The following GNG7 variants were observed in gnomAD, a reference collection of about 807,000 sequenced individuals.
The protein encoded by GNG7 is guanine nucleotide-binding protein G(I)/G(S)/G(O) subunit gamma-7.
GNG7 carries 1 observed loss-of-function variant against 4.0 expected under a neutral mutation model. The ratio of observed to expected loss-of-function variants is 0.25; its 90% CI spans 0.09 to 1.18. The LOEUF is 1.18. Among genes scored for constraint, GNG7 ranks in the 50% most tolerant of loss-of-function variants. The probability of loss-of-function intolerance (pLI) is 0.50; values close to 1 mark genes in which losing one functional copy is unlikely to be tolerated. For missense variants in GNG7, 86 were observed against 91.9 expected (o/e 0.94, Z 0.26); for synonymous variants, 34 against 36.9 (o/e 0.92, Z 0.29).
intron 3 of GNG7, among the ~76,000 whole-genome samples, chr19:2,526,884 C>T (rs549942762): frequency 2.3e-5 from 3 of 128,558 alleles, no homozygotes; most frequent in South Asian, 2.7e-4. Context: ...CTCGCTCTGT[C>T]GCCCAGGCTG....
chr19:2,696,182 AG>A (rs1441998386), intron 1 of GNG7, among the ~76,000 whole-genome samples: 4 of 143,568 alleles, frequency 2.8e-5, no homozygotes, highest in African/African-American at 1.0e-4. Context: ...AGAAAGAGAG[AG>A]AGGAGAGAGA....
intron 3 of GNG7, among the ~76,000 whole-genome samples, chr19:2,544,922 G>A (rs1040717078): frequency 6.6e-6 from 1 of 152,154 alleles, no homozygotes; most frequent in Non-Finnish European, 1.5e-5. Context: ...ATTATTTGGG[G>A]AAAATGGGGT....
intron 2 of GNG7, among the ~76,000 whole-genome samples, chr19:2,572,268 C>G (rs1332877341): frequency 6.6e-6 from 1 of 152,136 alleles, no homozygotes; most frequent in Non-Finnish European, 1.5e-5. Context: ...ATCCTCCTGC[C>G]TCAGCTTCCC....
chr19:2,585,371 T>G (rs1352758996), intron 2 of GNG7, among the ~76,000 whole-genome samples: 1 of 152,154 alleles, frequency 6.6e-6, no homozygotes, highest in Non-Finnish European at 1.5e-5. Context: ...CTGCAATTTA[T>G]ACATAAATAC....
intron 1 of GNG7, among the ~76,000 whole-genome samples, chr19:2,688,290 A>G (rs1415100285): frequency 1.3e-5 from 2 of 152,204 alleles, no homozygotes; most frequent in Admixed American, 1.3e-4. Flanking sequence ...AAAGATGAAA[A>G]GCAAAGTTTG....
rs74875192 is a variant in GNG7, at chr19:2,522,191, C to T, written c.-37-1466G>A. On this transcript the variant is annotated intron_variant, in intron 3 of 4. Coordinates refer to ENST00000382159, the MANE Select transcript of GNG7 (RefSeq NM_052847.3). ...CACCCTGCAGTGCCCAGGACGGCCC[C>T]GCTCCAGGGAACGATCCAGCCCCAC... Among the ~76,000 whole-genome samples the T allele has an allele frequency of 4.1e-3, 618 of 152,172 alleles. 8 individuals carry two copies. The highest frequency in any genetic ancestry group is 0.014 in the African/African-American group (588 of 41,490).
chr19:2,627,673 C>G (rs1056986536), intron 2 of GNG7, among the ~76,000 whole-genome samples: 1 of 152,246 alleles, frequency 6.6e-6, no homozygotes, highest in Non-Finnish European at 1.5e-5. Context: ...AGTCAGGGTA[C>G]AGCATGTCAC....
intron 2 of GNG7, among the ~76,000 whole-genome samples, chr19:2,583,060 C>A (rs922346504): frequency 1.3e-5 from 2 of 152,126 alleles, no homozygotes; most frequent in Non-Finnish European, 2.9e-5. Flanking sequence ...CCTGCCTCAG[C>A]CTCCCAAAGT....
intron 2 of GNG7, among the ~76,000 whole-genome samples, chr19:2,588,717 C>T (rs529739609): frequency 3.8e-4 from 58 of 152,322 alleles, no homozygotes; most frequent in African/African-American, 1.3e-3. Flanking sequence ...CCAGGGTTGT[C>T]CTGGTTGGAG....
intron 2 of GNG7, among the ~76,000 whole-genome samples, chr19:2,582,626 G>GT (rs544388871): frequency 6.9e-4 from 104 of 149,752 alleles, no homozygotes; most frequent in Admixed American, 1.9e-3. Context: ...GGGACTACAG[G>GT]TGCATGCCAC....
intron 2 of GNG7, among the ~76,000 whole-genome samples, chr19:2,637,434 C>T (rs185160135): frequency 2.6e-5 from 4 of 152,300 alleles, no homozygotes; most frequent in East Asian, 3.9e-4. Flanking sequence ...GCTCTCCTCC[C>T]CGTCCGTCCT....
At chr19:2,553,901 A>G (rs1467159551) in intron 3 of GNG7, among the ~76,000 whole-genome samples, 5 of 147,864 alleles carry the variant, frequency 3.4e-5, no homozygotes, top group Admixed American at 2.0e-4. Context: ...ATGTAATATT[A>G]CATACATGTG....
At chr19:2,574,137 C>T (rs1980236326) in intron 2 of GNG7, among the ~76,000 whole-genome samples, 1 of 152,204 alleles carries the variant, frequency 6.6e-6, no homozygotes, top group African/African-American at 2.4e-5. Context: ...GCCAGCCACC[C>T]CCACCATCTC....
chr19:2,646,938 G>A (rs996802287), intron 1 of GNG7, among the ~76,000 whole-genome samples: 11 of 152,176 alleles, frequency 7.2e-5, no homozygotes, highest in South Asian at 2.1e-4. Context: ...GGCACCCAAC[G>A]TATCCAGGTC....
At chr19:2,610,056 A>G (rs936704885) in intron 2 of GNG7, 1 of 152,146 alleles carries the variant, frequency 6.6e-6, no homozygotes, top group Non-Finnish European at 1.5e-5. Context: ...CCGGGTCAAG[A>G]TGATGACAGC....
chr19:2,565,888 T>A (rs1272971236), intron 2 of GNG7, among the ~76,000 whole-genome samples: 2 of 152,308 alleles, frequency 1.3e-5, no homozygotes, highest in South Asian at 4.1e-4. Flanking sequence ...CCGGGCACGG[T>A]GGCTCACGCC....
chr19:2,519,011 T>C (rs186653579), intron 4 of GNG7, among the ~76,000 whole-genome samples: 3,907 of 152,040 alleles, frequency 0.026, 69 homozygotes, highest in South Asian at 0.064. Flanking sequence ...TTGGCCAGGC[T>C]GGTCTCGAAC....
chr19:2,568,230 CGT>C (rs1386012359), intron 2 of GNG7, among the ~76,000 whole-genome samples: 6 of 151,558 alleles, frequency 4.0e-5, no homozygotes, highest in Non-Finnish European at 8.8e-5. Context: ...CATGCACACA[CGT>C]GCACATACAC....
intron 2 of GNG7, among the ~76,000 whole-genome samples, chr19:2,568,282 T>C (rs1568246835): frequency 2.1e-5 from 2 of 96,342 alleles, no homozygotes; most frequent in Non-Finnish European, 4.8e-5. Context: ...CATATAGACT[T>C]ACACACATAT....
Sources: gnomAD v4.1 joint callset for allele counts (sites outside exome capture counted in the v4.1 genomes callset) on GRCh38, gnomAD v4.1.1 for gene constraint, MANE v1.5 for transcripts, NCBI Gene and HGNC (gene_info 2026-07-23, HGNC 2026-07-21) for gene names.